Variants in AKAP7 observed in about 807,000 individuals in gnomAD.
AKAP7 encodes A-kinase anchoring protein 7, also known as A kinase (PRKA) anchor protein 7.
In AKAP7, 39 loss-of-function variants were observed where a neutral mutation model predicts 39.5. That is an observed-to-expected ratio of 0.99 (90% CI 0.76 to 1.29). AKAP7 has a LOEUF of 1.29. AKAP7 is among the 50% of genes most tolerant of loss of function. The probability of loss-of-function intolerance (pLI) is 0.00; values close to 1 mark genes in which losing one functional copy is unlikely to be tolerated. For synonymous variants in AKAP7, 140 were observed against 139.1 expected, an observed-to-expected ratio of 1.01 and a Z score of -0.05; for missense variants, 414 against 407.7, an observed-to-expected ratio of 1.02 and a Z score of -0.13.
intron 3 of AKAP7, among the ~76,000 whole-genome samples, chr6:131,163,290 C>T (rs1167906079): frequency 6.6e-6 from 1 of 152,190 alleles, no homozygotes. Flanking sequence ...GAGATGTAGT[C>T]AGGCAAGATT....
intron 6 of AKAP7, among the ~76,000 whole-genome samples, chr6:131,218,120 AC>A (rs1809352663): frequency 6.6e-6 from 1 of 152,128 alleles, no homozygotes; most frequent in Admixed American, 6.5e-5. Context: ...AGTCCACAGA[AC>A]CCTTTGAGGT....
At chr6:131,263,116 G>C (rs529039874) in intron 7 of AKAP7, among the ~76,000 whole-genome samples, 1 of 152,326 alleles carries the variant, frequency 6.6e-6, no homozygotes, top group South Asian at 2.1e-4. Flanking sequence ...TAGATGCCCG[G>C]AAGTGGCATA....
intron 7 of AKAP7, among the ~76,000 whole-genome samples, chr6:131,246,092 CAA>C (rs1391706135): frequency 8.2e-6 from 1 of 121,922 alleles, no homozygotes; most frequent in African/African-American, 3.7e-5. Flanking sequence ...CTCAGAAGTC[CAA>C]ATATATATAT....
intron 7 of AKAP7, among the ~76,000 whole-genome samples, chr6:131,251,338 A>G (rs1812432574): frequency 6.6e-6 from 1 of 152,226 alleles, no homozygotes; most frequent in South Asian, 2.1e-4. Context: ...AGTATGCTGA[A>G]TAGAGTTTGC....
At chr6:131,155,045 A>G (rs575774737) in intron 2 of AKAP7, among the ~76,000 whole-genome samples, 78 of 151,744 alleles carry the variant, frequency 5.1e-4, no homozygotes, top group African/African-American at 1.8e-3. Flanking sequence ...TCTGAGAGAC[A>G]GGGCCTCACC....
At chr6:131,156,475 C>T (rs1335414274) in intron 2 of AKAP7, among the ~76,000 whole-genome samples, 2 of 151,626 alleles carry the variant, frequency 1.3e-5, no homozygotes, top group African/African-American at 2.4e-5. Flanking sequence ...CCCACCTCTA[C>T]AAAAAATGAA....
chr6:131,147,361 G>A (rs73775929), intron 2 of AKAP7, among the ~76,000 whole-genome samples: 5,330 of 152,292 alleles, frequency 0.035, 284 homozygotes, highest in African/African-American at 0.12. Context: ...AAACGATTAA[G>A]TCTTTGGTAT....
chr6:131,180,302 A>AG (rs1255486800), intron 5 of AKAP7, among the ~76,000 whole-genome samples: 1 of 152,202 alleles, frequency 6.6e-6, no homozygotes, highest in African/African-American at 2.4e-5. Context: ...TTGCTGTACC[A>AG]GTTACTTCTT....
At chr6:131,197,473 C>G (rs1401280464) in intron 5 of AKAP7, among the ~76,000 whole-genome samples, 13 of 152,218 alleles carry the variant, frequency 8.5e-5, no homozygotes, top group African/African-American at 3.1e-4. Context: ...CCATCTCTTT[C>G]CCCCTTGTTC....
intron 7 of AKAP7, among the ~76,000 whole-genome samples, chr6:131,228,506 GT>G (rs1810376707): frequency 6.6e-6 from 1 of 152,018 alleles, no homozygotes; most frequent in Non-Finnish European, 1.5e-5. Context: ...CTTTTGTTGA[GT>G]TTTTACTTTA....
rs76777822 is a variant in AKAP7, at chr6:131,233,422, G to A, written c.850+13614G>A. ...GCCCAGTTACCCCATCAATAAAATGGGCATAATAAAATAGTTGTTATTTCA... is the reference window on the plus strand; with the variant it reads ...GCCCAGTTACCCCATCAATAAAATGAGCATAATAAAATAGTTGTTATTTCA... On this transcript the variant is annotated intron_variant, in intron 7 of 7. Coordinates refer to ENST00000431975, the MANE Select transcript of AKAP7 (RefSeq NM_016377.4). Among the ~76,000 whole-genome samples, 1,072 of 152,146 alleles carry A rather than the reference G, an allele frequency of 7.0e-3. 9 individuals carry two copies. The highest frequency in any genetic ancestry group is 0.025 in the African/African-American group (1,030 of 41,510).
intron 5 of AKAP7, among the ~76,000 whole-genome samples, chr6:131,178,288 GTTTCT>G (rs1562187445): frequency 1.3e-5 from 2 of 152,142 alleles, no homozygotes; most frequent in African/African-American, 4.8e-5. Flanking sequence ...CAATCCTTCA[GTTTCT>G]TTATTTGTGC....
chr6:131,128,301 C>T, the AKAP7 span, among the ~76,000 whole-genome samples: 1 of 151,964 alleles, frequency 6.6e-6, no homozygotes. Context: ...AAATAATATG[C>T]AGATTTATTA....
chr6:131,196,267 CTT>C (rs199967369), intron 5 of AKAP7, among the ~76,000 whole-genome samples: 5 of 133,900 alleles, frequency 3.7e-5, no homozygotes, highest in African/African-American at 2.8e-5. Flanking sequence ...ATGTCAGTTG[CTT>C]TTTTTTTTTT....
chr6:131,195,456 G>T (rs185515244), intron 5 of AKAP7, among the ~76,000 whole-genome samples: 2 of 152,082 alleles, frequency 1.3e-5, no homozygotes, highest in Admixed American at 1.3e-4. Flanking sequence ...CCTAAGATAG[G>T]ACTAATCTAT....
chr6:131,169,109 C>A lies in AKAP7; in HGVS notation c.429-4C>A, dbSNP rs371717514. 6.3e-7 allele frequency: 1 copy of A among 1,598,690 alleles called. No homozygotes were observed. The highest frequency in any genetic ancestry group is 2.2e-5 in the East Asian group (1 of 44,716). On this transcript the variant is annotated splice_polypyrimidine_tract_variant and splice_region_variant and intron_variant, in intron 4 of 7. Coordinates refer to ENST00000431975, the MANE Select transcript of AKAP7 (RefSeq NM_016377.4). ...TTACTGAAAAATGTATTATTTCTTA[C>A]TAGTGGTATTGATGCTCTTTTGGAA...
At chr6:131,264,531 C>T (rs1486434747) in intron 7 of AKAP7, among the ~76,000 whole-genome samples, 1 of 152,002 alleles carries the variant, frequency 6.6e-6, no homozygotes, top group Non-Finnish European at 1.5e-5. Flanking sequence ...AGTAGGTTTC[C>T]CATATTATGT....
upstream of AKAP7, among the ~76,000 whole-genome samples, chr6:131,131,181 C>T (rs923672885): frequency 3.9e-5 from 6 of 152,194 alleles, no homozygotes; most frequent in Non-Finnish European, 8.8e-5. Context: ...TGAGATTACA[C>T]ATCCTCGCAT....
intron 7 of AKAP7, among the ~76,000 whole-genome samples, chr6:131,251,860 A>G (rs1812471058): frequency 6.6e-6 from 1 of 152,234 alleles, no homozygotes; most frequent in South Asian, 2.1e-4. Flanking sequence ...GACTCTTCAG[A>G]TTATTTGTCA....
Sources: gnomAD v4.1 joint callset for allele counts (sites outside exome capture counted in the v4.1 genomes callset) on GRCh38, gnomAD v4.1.1 for gene constraint, MANE v1.5 for transcripts, NCBI Gene and HGNC (gene_info 2026-07-23, HGNC 2026-07-21) for gene names.